The following ADGRG7 variants were observed in gnomAD, a reference collection of about 807,000 sequenced individuals.
The protein encoded by ADGRG7 is G-protein coupled receptor 128.
Under a neutral mutation model 88.6 loss-of-function variants are expected in ADGRG7, and 82 were observed. The ratio of observed to expected loss-of-function variants is 0.93; its 90% CI spans 0.77 to 1.11. The LOEUF (loss-of-function observed/expected upper bound fraction) is 1.11, where lower values mean the gene tolerates loss of function less well. Among genes scored for constraint, ADGRG7 ranks in the 50% most tolerant of loss-of-function variants. ADGRG7 has a pLI of 0.00. For synonymous variants in ADGRG7, 381 were observed against 345.2 expected (o/e 1.10, Z -1.15); for missense variants, 945 against 953.4 (o/e 0.99, Z 0.12).
At chr3:100,665,286 T>G in intron 14 of ADGRG7, 1 of 540,768 alleles carries the variant, frequency 1.8e-6, no homozygotes, top group Non-Finnish European at 3.8e-6. Context: ...GAAACGAGGT[T>G]GTCGTTCAGG....
intron 15 of ADGRG7, among the ~76,000 whole-genome samples, chr3:100,686,566 A>G (rs1245780155): frequency 6.6e-6 from 1 of 152,216 alleles, no homozygotes; most frequent in Non-Finnish European, 1.5e-5. Flanking sequence ...GGTATAAGGA[A>G]GGGATCCAGT....
chr3:100,656,427 C>CAAA (rs1213933425), intron 13 of ADGRG7, among the ~76,000 whole-genome samples: 1 of 152,140 alleles, frequency 6.6e-6, no homozygotes, highest in African/African-American at 2.4e-5. Context: ...ATGTCTCACT[C>CAAA]ATATAAACCA....
At chr3:100,625,122 T>C (rs1707364844) in intron 1 of ADGRG7, among the ~76,000 whole-genome samples, 1 of 152,232 alleles carries the variant, frequency 6.6e-6, no homozygotes. Context: ...TGAATTGCTC[T>C]TGGCAGTATG....
intron 1 of ADGRG7, among the ~76,000 whole-genome samples, chr3:100,619,839 T>C (rs925866318): frequency 3.3e-5 from 5 of 151,972 alleles, no homozygotes; most frequent in African/African-American, 1.2e-4. Context: ...ACACGTACAC[T>C]CTCCCAAGAC....
At chr3:100,627,958 C>T (rs1467685910) in intron 1 of ADGRG7, among the ~76,000 whole-genome samples, 2 of 152,098 alleles carry the variant, frequency 1.3e-5, no homozygotes, top group Non-Finnish European at 2.9e-5. Context: ...ATTCTTGAAG[C>T]TCTGTTTATT....
intron 4 of ADGRG7, 125 bp downstream of exon 4, chr3:100,633,502 T>A (rs1281087734): frequency 1.1e-5 from 5 of 460,016 alleles, no homozygotes; most frequent in Non-Finnish European, 1.9e-5. Flanking sequence ...TAACAAAAAC[T>A]AGTGACTAAA....
Position 100,669,025 on chromosome 3 carries a change from C to T in ADGRG7, c.2056C>T (p.Leu686=), listed in dbSNP as rs1559686332. 1 of 1,606,028 alleles carries T rather than the reference C, an allele frequency of 6.2e-7. No individual in the cohort carries two copies. The highest frequency in any genetic ancestry group is 1.1e-5 in the South Asian group (1 of 88,562). ...VAVVFGITWI[L]AYLMLVNDDS... Reference sequence around the variant, plus strand: ...AGTTGTTTTTGGAATTACCTGGATTCTAGCATACCTGATGCTAGTTAATGA... The same window carrying T: ...AGTTGTTTTTGGAATTACCTGGATTTTAGCATACCTGATGCTAGTTAATGA... The change falls in exon 15 of 16, where the codon CTA becomes TTA. Residue 686 remains leucine, a synonymous_variant. Transcript: ENST00000273352.
chr3:100,640,521 AT>A (rs912119093), intron 6 of ADGRG7, among the ~76,000 whole-genome samples: 65 of 150,736 alleles, frequency 4.3e-4, no homozygotes, highest in African/African-American at 1.5e-3. Flanking sequence ...TCACCTCACC[AT>A]TTTTTTTTCC....
At chr3:100,694,453 T>G (rs1200716185) in intron 15 of ADGRG7, among the ~76,000 whole-genome samples, 2 of 152,218 alleles carry the variant, frequency 1.3e-5, no homozygotes, top group Non-Finnish European at 2.9e-5. Flanking sequence ...AGTTGAAGAT[T>G]ATCAAGATTA....
intron 15 of ADGRG7, among the ~76,000 whole-genome samples, chr3:100,689,167 A>G (rs2094988668): frequency 6.6e-6 from 1 of 152,124 alleles, no homozygotes; most frequent in Non-Finnish European, 1.5e-5. Context: ...TTGTTGGTTT[A>G]AAGTCTGTTT....
rs376876985 is a variant in ADGRG7, at chr3:100,687,771, C to T, written c.2137-6973C>T. On this transcript the variant is annotated intron_variant, in intron 15 of 15. Transcript: ENST00000273352. ...AAGCTTTCTGATGTGCTGCTGGATTCGGTTTGCCAGTATTTTATTGAGGAT... is the reference window on the plus strand; with the variant it reads ...AAGCTTTCTGATGTGCTGCTGGATTTGGTTTGCCAGTATTTTATTGAGGAT... Among the ~76,000 whole-genome samples the T allele has an allele frequency of 4.6e-5, 7 of 152,226 alleles. No homozygotes were observed. The East Asian group carries it at 7.7e-4, about 17-fold the overall frequency.
chr3:100,610,396 T>C (rs1314118692), intron 1 of ADGRG7, among the ~76,000 whole-genome samples: 1 of 152,152 alleles, frequency 6.6e-6, no homozygotes, highest in African/African-American at 2.4e-5. Flanking sequence ...CAGAATGGAA[T>C]TTCATTTTAA....
At chr3:100,619,304 A>G (rs964868672) in intron 1 of ADGRG7, among the ~76,000 whole-genome samples, 3 of 152,228 alleles carry the variant, frequency 2.0e-5, no homozygotes, top group Non-Finnish European at 2.9e-5. Context: ...CTCCTGAATG[A>G]ATACTGGGTA....
At chr3:100,610,755 G>A (rs911983283) in intron 1 of ADGRG7, among the ~76,000 whole-genome samples, 5 of 152,282 alleles carry the variant, frequency 3.3e-5, no homozygotes, top group African/African-American at 7.2e-5. Flanking sequence ...ACTCCCTTTC[G>A]TGAAAATCAG....
In ADGRG7 at chr3:100,609,797, CAAG is replaced by C. The variant is rs1252722251; in HGVS notation, c.-54_-52del. ...TAGTTTCCGATTAAACTTTTTAGCT[CAAG>C]AAGAAAAGAAGCTAGTTATTTCTCA... On this transcript the variant is annotated 5_prime_UTR_variant, in exon 1 of 16. Transcript: ENST00000273352. 3.8e-6 allele frequency: 5 copies of C among 1,304,790 alleles called. No individual in the cohort carries two copies. Among genetic ancestry groups the C allele is most frequent in the Non-Finnish European group, 4.4e-6 (4 of 903,382 alleles). 80.8% of individuals were successfully genotyped at this position (1,304,790 alleles called of 1,614,324 possible). A position where few individuals can be genotyped will look rare whatever the true frequency, so the allele number is the denominator to read the frequency against.
At chr3:100,665,302 C>T (rs2094950357) in intron 14 of ADGRG7, 1 of 540,790 alleles carries the variant, frequency 1.8e-6, no homozygotes, top group Non-Finnish European at 3.8e-6. Context: ...TCAGGTAGTT[C>T]ATCTTTAAGT....
intron 14 of ADGRG7, among the ~76,000 whole-genome samples, chr3:100,661,831 A>G (rs1392531445): frequency 6.6e-6 from 1 of 152,242 alleles, no homozygotes; most frequent in Non-Finnish European, 1.5e-5. Flanking sequence ...ATTGGTTTTA[A>G]GTGGCTAGAA....
chr3:100,639,262 A>G (rs1026932062), intron 6 of ADGRG7, among the ~76,000 whole-genome samples: 1 of 152,138 alleles, frequency 6.6e-6, no homozygotes, highest in African/African-American at 2.4e-5. Flanking sequence ...AAGTCTTTTA[A>G]TGTTCTAAGT....
At chr3:100,630,411 T>C (rs1298934164) in intron 2 of ADGRG7, among the ~76,000 whole-genome samples, 1 of 152,232 alleles carries the variant, frequency 6.6e-6, no homozygotes, top group Non-Finnish European at 1.5e-5. Context: ...TCTATATTTT[T>C]AGTTCTGAAG....
Sources: allele counts gnomAD v4.1 joint callset (sites outside exome capture counted in the v4.1 genomes callset), GRCh38; gene constraint gnomAD v4.1.1; transcripts MANE v1.5; gene names NCBI Gene and HGNC (gene_info 2026-07-23, HGNC 2026-07-21).